RFTN1: variants seen among roughly 807,000 people sequenced by gnomAD.
RFTN1 encodes raftlin.
In RFTN1, 26 loss-of-function variants were observed where a neutral mutation model predicts 46.5. That is an observed-to-expected ratio of 0.56 (90% CI 0.41 to 0.78). RFTN1 has a LOEUF of 0.78. Ranked by LOEUF, RFTN1 falls within the 30% of genes least tolerant of loss-of-function variation. The pLI, the probability that RFTN1 is intolerant of heterozygous loss-of-function variation, is 0.00. For missense variants in RFTN1, 693 were observed against 718.7 expected, an observed-to-expected ratio of 0.96 and a Z score of 0.41; for synonymous variants, 261 against 284.2, an observed-to-expected ratio of 0.92 and a Z score of 0.82.
rs377470495 is a variant in RFTN1, at chr3:16,500,220, C to G, written c.-8-6343G>C. On this transcript the variant is annotated intron_variant, in intron 1 of 9. Transcript: ENST00000334133. The surrounding 1 kb of genome is among the most constrained non-coding windows in gnomAD (Gnocchi z 5.9). Reference sequence around the variant, plus strand: ...CCCACAGCTCCACCCTTCCAAATTCCTATGCTCACCTCACACTGACACCTA... The same window carrying G: ...CCCACAGCTCCACCCTTCCAAATTCGTATGCTCACCTCACACTGACACCTA... Among the ~76,000 whole-genome samples, 110 of 152,368 alleles carry G rather than the reference C, an allele frequency of 7.2e-4. 1 individual carries two copies. In the Middle Eastern group the frequency reaches 0.024, roughly 33 times the overall value.
rs531759136 is a variant in RFTN1, at chr3:16,464,333, C to A, written c.145+29392G>T. ...TCCCAAAAATAAAGTAGCTACAGAT[C>A]GTCAGCTCACCTCTCCACAGTTCTC... On this transcript the variant is annotated intron_variant, in intron 2 of 9. Coordinates refer to ENST00000334133, the MANE Select transcript of RFTN1 (RefSeq NM_015150.2). Among the ~76,000 whole-genome samples, 20 of 152,264 alleles carry A rather than the reference C, an allele frequency of 1.3e-4. No homozygotes were observed. The East Asian group carries it at 3.7e-3, about 28-fold the overall frequency.
At position 16,326,914 on chromosome 3, in the gene RFTN1, AC is replaced by A. The variant is rs779735356; in HGVS notation, c.1147-39del. On this transcript the variant is annotated intron_variant, in intron 7 of 9. Coordinates refer to ENST00000334133, the MANE Select transcript of RFTN1 (RefSeq NM_015150.2). ...GGCCAGCATTAGGGCTGCTGCTGCCACAAGCCAACTCCCAGGCAATGAGAGG... is the reference window on the plus strand; with the variant it reads ...GGCCAGCATTAGGGCTGCTGCTGCCAAAGCCAACTCCCAGGCAATGAGAGG... 3.3e-6 allele frequency: 5 copies of A among 1,516,232 alleles called. No individual in the cohort carries two copies. In the South Asian group the frequency reaches 3.4e-5, roughly 10 times the overall value. 93.9% of individuals were successfully genotyped at this position (1,516,232 alleles called of 1,614,324 possible).
rs1298913617 is a variant in RFTN1 at position 16,438,057 on chromosome 3, A to G, written c.146-4020T>C. 7.9e-5 allele frequency among the ~76,000 whole-genome samples: 12 copies of G among 152,316 alleles called. 1 individual carries two copies. The highest frequency in any genetic ancestry group is 7.2e-4 in the Admixed American group (11 of 15,300). On this transcript the variant is annotated intron_variant, in intron 2 of 9. Transcript: ENST00000334133. ...CAGCACCAAGATCCCCTCTCCTTTGATAAAACTATATACAAACAGCATCTG... is the reference window on the plus strand; with the variant it reads ...CAGCACCAAGATCCCCTCTCCTTTGGTAAAACTATATACAAACAGCATCTG...
In RFTN1 at chr3:16,417,500, C is replaced by G. The variant is rs7626232; in HGVS notation, c.333-8017G>C. On this transcript the variant is annotated intron_variant, in intron 3 of 9. Coordinates refer to ENST00000334133, the MANE Select transcript of RFTN1 (RefSeq NM_015150.2). The stretch of plus-strand genomic sequence containing the variant: ...CACAACTGGCCACAGATGTCAGGGT[C>G]GTTTCAGAACATGATAAAAGACCCC... Among the ~76,000 whole-genome samples, 8 of 152,272 alleles carry G rather than the reference C, an allele frequency of 5.3e-5. No individual in the cohort carries two copies. In the East Asian group the frequency reaches 1.5e-3, roughly 29 times the overall value.
intron 2 of RFTN1, among the ~76,000 whole-genome samples, chr3:16,470,853 A>C (rs1434601265): frequency 6.6e-6 from 1 of 152,244 alleles, no homozygotes; most frequent in Non-Finnish European, 1.5e-5. Context: ...CCCATTTTAA[A>C]GAAAAATGGC....
At chr3:16,462,477 A>G (rs1486346527) in intron 2 of RFTN1, among the ~76,000 whole-genome samples, 1 of 152,356 alleles carries the variant, frequency 6.6e-6, no homozygotes, top group Non-Finnish European at 1.5e-5. Context: ...ATGCAGTCAC[A>G]TGGGTCCTTA....
Position 16,323,813 on chromosome 3 carries a change from T to C in RFTN1, c.1251-356A>G, listed in dbSNP as rs77844622. The stretch of plus-strand genomic sequence containing the variant: ...TTTCCAAATCTGTCTCTGGTAATGA[T>C]GGGCAGGTAGATAAGGACCTGGGTG... On this transcript the variant is annotated intron_variant, in intron 8 of 9. Coordinates refer to ENST00000334133, the MANE Select transcript of RFTN1 (RefSeq NM_015150.2). Among the ~76,000 whole-genome samples the C allele has an allele frequency of 4.8e-3, 738 of 152,308 alleles. 4 individuals are homozygous for C. The highest frequency in any genetic ancestry group is 8.6e-3 in the Non-Finnish European group (587 of 68,028).
intron 7 of RFTN1, 110 bp from the exon 8 acceptor site, chr3:16,326,986 T>G (rs1574977842): frequency 4.0e-6 from 3 of 755,332 alleles, no homozygotes; most frequent in Non-Finnish European, 6.4e-6. Flanking sequence ...GAAGTGGCGG[T>G]GCCCGGCCAC....
chr3:16,429,502 C>T lies in RFTN1; in HGVS notation c.332+4349G>A, dbSNP rs2075344531. Among the ~76,000 whole-genome samples, 1 of 152,208 alleles carries T rather than the reference C, an allele frequency of 6.6e-6. No homozygotes were observed. Among genetic ancestry groups the T allele is most frequent in the Non-Finnish European group, 1.5e-5 (1 of 68,034 alleles). On this transcript the variant is annotated intron_variant, in intron 3 of 9. Transcript: ENST00000334133. The surrounding 1 kb of genome is among the most constrained non-coding windows in gnomAD (Gnocchi z 6.4). ...TGGTTTCCCTTCCAGTGAGAGGTGG[C>T]ATCTCCTTCTCCCAAACTCCTGTGG...
Position 16,506,508 on chromosome 3 carries a change from A to G in RFTN1, c.-9+6934T>C, listed in dbSNP as rs924634941. On this transcript the variant is annotated intron_variant, in intron 1 of 9. Transcript: ENST00000334133. The surrounding 1 kb of genome is among the most constrained non-coding windows in gnomAD (Gnocchi z 4.8). ...TGTGAGCAGTGGTCAAATTCTGTAT[A>G]TGTTTTGAAGGCAGAAAACAGGATT... 6.6e-6 allele frequency among the ~76,000 whole-genome samples: 1 copy of G among 152,116 alleles called. No individual in the cohort carries two copies. The highest frequency in any genetic ancestry group is 2.4e-5 in the African/African-American group (1 of 41,416).
chr3:16,451,634 T>C lies in RFTN1; in HGVS notation c.146-17597A>G, dbSNP rs565975209. On this transcript the variant is annotated intron_variant, in intron 2 of 9. Transcript: ENST00000334133. The surrounding 1 kb of genome is among the most constrained non-coding windows in gnomAD (Gnocchi z 4.2). ...CACATTTCTCTTCGTGTCTTCCACCTAAAAATTTAATGCCTTTTTCATCTT... is the reference window on the plus strand; with the variant it reads ...CACATTTCTCTTCGTGTCTTCCACCCAAAAATTTAATGCCTTTTTCATCTT... Among the ~76,000 whole-genome samples the C allele has an allele frequency of 5.3e-5, 8 of 152,340 alleles. No individual in the cohort carries two copies. The highest frequency in any genetic ancestry group is 1.0e-4 in the Non-Finnish European group (7 of 68,032).
At chr3:16,404,414 A>G (rs1297556849) in intron 4 of RFTN1, among the ~76,000 whole-genome samples, 1 of 101,044 alleles carries the variant, frequency 9.9e-6, no homozygotes, top group Non-Finnish European at 1.9e-5. Flanking sequence ...TAATATATAT[A>G]CACAATATAC....
At chr3:16,405,436 G>A (rs2125440507) in intron 4 of RFTN1, among the ~76,000 whole-genome samples, 1 of 152,312 alleles carries the variant, frequency 6.6e-6, no homozygotes, top group East Asian at 1.9e-4. Flanking sequence ...ACAAAATGCA[G>A]TAAGGTAGAT....
In RFTN1 at chr3:16,316,504, G is replaced by A. The variant is rs375084476; in HGVS notation, c.*324C>T. 17 of 360,892 alleles carry A rather than the reference G, an allele frequency of 4.7e-5. No individual in the cohort carries two copies. The highest frequency in any genetic ancestry group is 4.4e-4 in the East Asian group (6 of 13,532). The allele number at this position is 360,892 out of a possible 1,614,324, so 22.4% of individuals were successfully genotyped here. On this transcript the variant is annotated 3_prime_UTR_variant, in exon 10 of 10. Coordinates refer to ENST00000334133, the MANE Select transcript of RFTN1 (RefSeq NM_015150.2). The surrounding 1 kb of genome is among the most constrained non-coding windows in gnomAD (Gnocchi z 4.5). ...GAATGCTCCCTGGAGGCCCTGTGGC[G>A]AGGACAGGCACTGGATGGTCCAGAC...
At chr3:16,359,217 T>C (rs2072674339) in intron 6 of RFTN1, among the ~76,000 whole-genome samples, 2 of 152,100 alleles carry the variant, frequency 1.3e-5, no homozygotes, top group Non-Finnish European at 2.9e-5. Flanking sequence ...GGCTCTATCA[T>C]GAAAGGTGAT....
At chr3:16,510,795 C>T (rs1575393809) in intron 1 of RFTN1, among the ~76,000 whole-genome samples, 1 of 152,174 alleles carries the variant, frequency 6.6e-6, no homozygotes, top group African/African-American at 2.4e-5. Context: ...GAAATGAGAA[C>T]ACATGTCCCT....
At chr3:16,420,099 A>G (rs1378946121) in intron 3 of RFTN1, among the ~76,000 whole-genome samples, 3 of 152,174 alleles carry the variant, frequency 2.0e-5, no homozygotes, top group Non-Finnish European at 4.4e-5. Flanking sequence ...ACTATCAGCC[A>G]CTGTGCACTA....
At chr3:16,502,941 G>A in intron 1 of RFTN1, among the ~76,000 whole-genome samples, 1 of 152,240 alleles carries the variant, frequency 6.6e-6, no homozygotes, top group East Asian at 1.9e-4. Flanking sequence ...CATGTTAACA[G>A]AAGTCTTGCT....
Position 16,317,049 on chromosome 3 carries a change from C to T in RFTN1, c.1516G>A (p.Glu506Lys), listed in dbSNP as rs762244728. Residue 506 changes from glutamate to lysine, a missense_variant, in exon 10 of 10, where the codon GAG (glutamate) becomes AAG (lysine). Glu to Lys is a moderately conservative substitution (Grantham distance 56). Coordinates refer to ENST00000334133, the MANE Select transcript of RFTN1 (RefSeq NM_015150.2). This position sits in a 1 kb window ranked among gnomAD's most constrained non-coding sequence, Gnocchi z 4.3. The part of the protein sequence containing the change: ...SGQQQEGGVS[E>K]EMKGPVQEDK... ...TCTTGGACAGGGCCCTTCATCTCCT[C>T]GGAGACTCCACCCTCCTGCTGCTGT... 1.4e-5 allele frequency: 23 copies of T among 1,613,720 alleles called. No homozygotes were observed. Among genetic ancestry groups the T allele is most frequent in the Admixed American group, 3.3e-5 (2 of 59,988 alleles).
Sources: allele counts gnomAD v4.1 joint callset (sites outside exome capture counted in the v4.1 genomes callset), GRCh38; gene constraint gnomAD v4.1.1; non-coding constraint Gnocchi (gnomAD v3.1); transcripts MANE v1.5; gene names NCBI Gene and HGNC (gene_info 2026-07-23, HGNC 2026-07-21).